The following SCARA5 variants were observed in gnomAD, a reference collection of about 807,000 sequenced individuals.
SCARA5 encodes the protein scavenger receptor class A member 5, also known as scavenger receptor class A, member 5 (putative).
SCARA5 carries 45 observed loss-of-function variants against 46.3 expected under a neutral mutation model. That is an observed-to-expected ratio of 0.97 (90% CI 0.76 to 1.24). The LOEUF (loss-of-function observed/expected upper bound fraction) is 1.24, where lower values mean the gene tolerates loss of function less well. Ranked by LOEUF, SCARA5 falls within the 50% of genes most tolerant of loss-of-function variation. The pLI, the probability that SCARA5 is intolerant of heterozygous loss-of-function variation, is 0.00. For synonymous variants in SCARA5, 333 were observed against 306.5 expected, an observed-to-expected ratio of 1.09 and a Z score of -0.90; for missense variants, 680 against 689.0, an observed-to-expected ratio of 0.99 and a Z score of 0.15.
At chr8:27,875,116 C>T (rs1225388932) in intron 8 of SCARA5, among the ~76,000 whole-genome samples, 2 of 151,920 alleles carry the variant, frequency 1.3e-5, no homozygotes, top group Non-Finnish European at 2.9e-5. Context: ...GAATTCCTTC[C>T]TTCCTTCTAT....
At chr8:27,919,217 AGAG>A (rs1807541445) in intron 4 of SCARA5, among the ~76,000 whole-genome samples, 3 of 113,742 alleles carry the variant, frequency 2.6e-5, no homozygotes, top group Admixed American at 8.7e-5. Context: ...TAGAGAAAGA[AGAG>A]AAGGAGGAGG....
At chr8:27,920,409 T>C (rs1401602318) in intron 4 of SCARA5, among the ~76,000 whole-genome samples, 2 of 151,976 alleles carry the variant, frequency 1.3e-5, no homozygotes, top group Non-Finnish European at 1.5e-5. Flanking sequence ...GGTCAGGAGT[T>C]CGAGACCAGC....
chr8:27,920,822 C>T (rs1807570487), intron 4 of SCARA5, among the ~76,000 whole-genome samples: 1 of 151,132 alleles, frequency 6.6e-6, no homozygotes, highest in Non-Finnish European at 1.5e-5. Context: ...GAAAACAAAA[C>T]GACAACAACA....
intron 2 of SCARA5, among the ~76,000 whole-genome samples, chr8:27,984,827 C>A (rs1808680139): frequency 6.6e-6 from 1 of 152,024 alleles, no homozygotes; most frequent in Non-Finnish European, 1.5e-5. Flanking sequence ...ATCCTTTCAT[C>A]TATCCATCTA....
Position 27,871,740 on chromosome 8 carries a change from G to A in SCARA5, c.*194C>T. ...AGAGAGACGGGCAGTAGGTCCCAGA[G>A]TTATACTTCGGAGCACATGTTCAAG... is the stretch of plus-strand genomic sequence containing the variant. On this transcript the variant is annotated 3_prime_UTR_variant, in exon 9 of 9. Transcript: ENST00000354914. The A allele has an allele frequency of 2.1e-6, 3 of 1,431,330 alleles. No individual in the cohort carries two copies. Among genetic ancestry groups the A allele is most frequent in the Non-Finnish European group, 2.7e-6 (3 of 1,095,514 alleles). The allele number at this position is 1,431,330 out of a possible 1,614,324, so 88.7% of individuals were successfully genotyped here. A position where few individuals can be genotyped will look rare whatever the true frequency, so the allele number is the denominator to read the frequency against.
chr8:27,872,078 G>A lies in SCARA5; in HGVS notation c.1352-8C>T, dbSNP rs373563797. On this transcript the variant is annotated splice_region_variant and splice_polypyrimidine_tract_variant and intron_variant, in intron 8 of 8. Coordinates refer to ENST00000354914, the MANE Select transcript of SCARA5 (RefSeq NM_173833.6). ...TCCAGATCCTCCCAGTGCCTGTGGA[G>A]ACAGGGAAACACAGCTATAAGCGGA... 6.2e-6 allele frequency: 10 copies of A among 1,614,164 alleles called. No homozygotes were observed. The highest frequency in any genetic ancestry group is 8.5e-6 in the Non-Finnish European group (10 of 1,179,986).
At chr8:27,942,083 C>T (rs955503626) in intron 3 of SCARA5, among the ~76,000 whole-genome samples, 23 of 152,176 alleles carry the variant, frequency 1.5e-4, no homozygotes, top group African/African-American at 5.5e-4. Context: ...CCCACCTCGG[C>T]CTCCCATAGT....
At chr8:27,962,949 G>C (rs1000817546) in intron 3 of SCARA5, among the ~76,000 whole-genome samples, 1 of 152,324 alleles carries the variant, frequency 6.6e-6, no homozygotes, top group Middle Eastern at 3.4e-3. Flanking sequence ...TGTTAGAAAA[G>C]AACTAATTTA....
At chr8:27,966,379 C>A in intron 3 of SCARA5, 35 bp downstream of exon 3, 2 of 1,566,150 alleles carry the variant, frequency 1.3e-6, no homozygotes, top group South Asian at 1.2e-5. Flanking sequence ...CCTTCCTCAT[C>A]CCAAAAGACC....
At chr8:27,892,606 C>A (rs1815033) in intron 7 of SCARA5, among the ~76,000 whole-genome samples, 1 of 127,034 alleles carries the variant, frequency 7.9e-6, no homozygotes, top group Non-Finnish European at 1.6e-5. Flanking sequence ...ATACCTCACC[C>A]TTTTTTTTTT....
intron 3 of SCARA5, among the ~76,000 whole-genome samples, chr8:27,937,782 A>G (rs2685310): frequency 0.94 from 143,020 of 152,210 alleles, 67,604 homozygotes; most frequent in East Asian, 1. Flanking sequence ...GCCCTCCCAC[A>G]GTGCTTCCTC....
chr8:27,879,108 G>A (rs990320195), intron 8 of SCARA5, among the ~76,000 whole-genome samples: 10 of 152,044 alleles, frequency 6.6e-5, no homozygotes, highest in African/African-American at 1.9e-4. Flanking sequence ...GAAAAACAGC[G>A]ATGATACCTG....
At chr8:27,988,675 C>G (rs1247017200) in intron 1 of SCARA5, among the ~76,000 whole-genome samples, 2 of 152,178 alleles carry the variant, frequency 1.3e-5, no homozygotes, top group Non-Finnish European at 2.9e-5. Flanking sequence ...GTATATACAT[C>G]AATTTCTTGA....
intron 3 of SCARA5, among the ~76,000 whole-genome samples, chr8:27,935,490 T>C (rs941609936): frequency 6.6e-5 from 10 of 152,062 alleles, no homozygotes; most frequent in African/African-American, 2.4e-4. Context: ...CAGCCTCTAG[T>C]CTGGAGTCTG....
intron 3 of SCARA5, among the ~76,000 whole-genome samples, chr8:27,926,275 G>T (rs953614619): frequency 6.6e-6 from 1 of 152,154 alleles, no homozygotes; most frequent in African/African-American, 2.4e-5. Context: ...CCATAAAAAA[G>T]GATGAGTTCA....
At chr8:27,910,074 G>A (rs1322716764) in intron 4 of SCARA5, 3 of 221,254 alleles carry the variant, frequency 1.4e-5, no homozygotes, top group East Asian at 1.1e-4. Flanking sequence ...TTAAGAGGTG[G>A]GGTCTTTGGG....
At chr8:27,881,547 G>C (rs1427832823) in intron 7 of SCARA5, among the ~76,000 whole-genome samples, 1 of 151,992 alleles carries the variant, frequency 6.6e-6, no homozygotes, top group Non-Finnish European at 1.5e-5. Flanking sequence ...AGAGGGGTAA[G>C]GGTTGAAAAC....
At chr8:27,937,474 C>A (rs1807876507) in intron 3 of SCARA5, among the ~76,000 whole-genome samples, 1 of 152,196 alleles carries the variant, frequency 6.6e-6, no homozygotes, top group Admixed American at 6.5e-5. Flanking sequence ...TGGGGACCAA[C>A]TCCAGGACAC....
intron 3 of SCARA5, among the ~76,000 whole-genome samples, chr8:27,930,488 C>T (rs1281427439): frequency 1.3e-5 from 2 of 151,948 alleles, no homozygotes; most frequent in South Asian, 2.1e-4. Flanking sequence ...CAGCAACCTC[C>T]GCCTCCTGGG....
Sources: allele counts gnomAD v4.1 joint callset (sites outside exome capture counted in the v4.1 genomes callset), GRCh38; gene constraint gnomAD v4.1.1; transcripts MANE v1.5; gene names NCBI Gene and HGNC (gene_info 2026-07-23, HGNC 2026-07-21).